Variants in KIAA1549 observed in about 807,000 individuals in gnomAD.
The protein encoded by KIAA1549 is UPF0606 protein KIAA1549.
KIAA1549 carries 70 observed loss-of-function variants against 156.4 expected under a neutral mutation model. That is an observed-to-expected ratio of 0.45 (90% CI 0.37 to 0.55). The LOEUF is 0.55. Among genes scored for constraint, KIAA1549 ranks in the 20% least tolerant of loss-of-function variants. KIAA1549 has a pLI of 0.00. For synonymous variants in KIAA1549, 1,103 were observed against 1,066.4 expected (o/e 1.03, Z -0.67); for missense variants, 2,428 against 2,540.9 (o/e 0.96, Z 0.96).
Position 138,871,080 on chromosome 7 carries a change from G to A in KIAA1549, c.4551+77C>T, listed in dbSNP as rs527443681. On this transcript the variant is annotated intron_variant, in intron 13 of 19. Coordinates refer to ENST00000422774, the MANE Select transcript of KIAA1549 (RefSeq NM_001164665.2). ...GATCTGCCTGCCTTGGCCCCCCCAA[G>A]TGCTGGGATTACAGGCATAAGCCAC... The A allele has an allele frequency of 6.4e-6, 9 of 1,399,548 alleles. 1 individual carries two copies. The highest frequency in any genetic ancestry group is 5.8e-5 in the Admixed American group (3 of 51,334). The allele number at this position is 1,399,548 out of a possible 1,614,324, so 86.7% of individuals were successfully genotyped here.
chr7:138,863,367 T>C (rs1440467429), intron 15 of KIAA1549, among the ~76,000 whole-genome samples: 1 of 151,946 alleles, frequency 6.6e-6, no homozygotes, highest in African/African-American at 2.4e-5. Flanking sequence ...GTGAGTCTAT[T>C]ACAAAGACAA....
At chr7:138,980,315 A>G (rs1814507803) in intron 1 of KIAA1549, among the ~76,000 whole-genome samples, 1 of 152,250 alleles carries the variant, frequency 6.6e-6, no homozygotes. Context: ...TGGAGAAGCA[A>G]TAGGAATTAA....
At chr7:138,880,379 C>A (rs1258495097) in intron 11 of KIAA1549, among the ~76,000 whole-genome samples, 1 of 152,196 alleles carries the variant, frequency 6.6e-6, no homozygotes, top group East Asian at 1.9e-4. Context: ...TTCAATGATT[C>A]CATTTATTCT....
chr7:138,853,048 C>A (rs950858275), intron 16 of KIAA1549, among the ~76,000 whole-genome samples: 20 of 152,158 alleles, frequency 1.3e-4, no homozygotes, highest in African/African-American at 4.6e-4. Flanking sequence ...ATATCCTAAC[C>A]CTAATATACA....
Position 138,933,302 on chromosome 7 carries a change from C to G in KIAA1549, c.188-13864G>C, listed in dbSNP as rs1584766894. ...GCAAGTTTCTAAAAAGGCAAAGCAG[C>G]TAATGCAAAATGTTTCCTCTACTCA... is the stretch of plus-strand genomic sequence containing the variant. On this transcript the variant is annotated intron_variant, in intron 1 of 19. Coordinates refer to ENST00000422774, the MANE Select transcript of KIAA1549 (RefSeq NM_001164665.2). Among the ~76,000 whole-genome samples the G allele has an allele frequency of 2.0e-5, 3 of 152,318 alleles. No individual in the cohort carries two copies. In the East Asian group the frequency reaches 5.8e-4, roughly 29 times the overall value.
chr7:138,907,132 A>G, intron 5 of KIAA1549, 30 bp from the exon 6 acceptor site: 1 of 1,477,704 alleles, frequency 6.8e-7, no homozygotes, highest in Non-Finnish European at 9.0e-7. Context: ...ATAAGCTTCT[A>G]TAATAAAACA....
chr7:138,939,974 C>T (rs1406858646), intron 1 of KIAA1549, among the ~76,000 whole-genome samples: 2 of 151,968 alleles, frequency 1.3e-5, no homozygotes, highest in Non-Finnish European at 1.5e-5. Flanking sequence ...TAGCAAGACC[C>T]CATTTCTACA....
intron 16 of KIAA1549, among the ~76,000 whole-genome samples, chr7:138,860,717 C>T (rs1810545696): frequency 6.6e-6 from 1 of 152,226 alleles, no homozygotes. Context: ...TCAGGGGTCT[C>T]TCCAGTACCA....
intron 10 of KIAA1549, among the ~76,000 whole-genome samples, chr7:138,889,744 AC>A (rs1811496961): frequency 6.6e-6 from 1 of 152,226 alleles, no homozygotes; most frequent in African/African-American, 2.4e-5. Context: ...GTGAGTCATC[AC>A]CTTCTATACC....
At chr7:138,892,595 A>C (rs1303804892) in intron 10 of KIAA1549, among the ~76,000 whole-genome samples, 1 of 152,242 alleles carries the variant, frequency 6.6e-6, no homozygotes, top group African/African-American at 2.4e-5. Flanking sequence ...AAACAAAGAT[A>C]GGCAACAAAC....
chr7:138,894,221 A>G, intron 10 of KIAA1549, 121 bp downstream of exon 10: 1 of 973,292 alleles, frequency 1.0e-6, no homozygotes, highest in Non-Finnish European at 1.6e-6. Flanking sequence ...TATTAAAGCC[A>G]GAAGATTTCC....
chr7:138,923,291 G>A (rs1271775869), intron 1 of KIAA1549, among the ~76,000 whole-genome samples: 1 of 152,230 alleles, frequency 6.6e-6, no homozygotes, highest in East Asian at 1.9e-4. Flanking sequence ...AGGAAGATCT[G>A]AGAATAGAGA....
rs749802183 is a variant in KIAA1549 at position 138,918,083 on chromosome 7, T to C, written c.1543A>G (p.Ser515Gly). The change falls in exon 2 of 20, where the codon AGT becomes GGT. Residue 515 changes from serine to glycine, a missense_variant. This residue lies in a region of KIAA1549 where 893 missense variants were observed against 847.9 expected (regional missense o/e 1.05). Transcript: ENST00000422774. This position sits in a 1 kb window ranked among gnomAD's most constrained non-coding sequence, Gnocchi z 4.2. ...GGGGGAACCTGTGTGGTTGTAACAC[T>C]ACTCATATCCACCTCGGCAGAAATG... Reference protein sequence around the residue: ...VGISAEVDMSSVTTTQVPPAH... With the variant: ...VGISAEVDMSGVTTTQVPPAH... 16 of 1,613,718 alleles carry C rather than the reference T, an allele frequency of 9.9e-6. No individual in the cohort carries two copies. The African/African-American group carries it at 2.0e-4, about 20-fold the overall frequency.
intron 8 of KIAA1549, among the ~76,000 whole-genome samples, chr7:138,901,336 T>A (rs888053374): frequency 6.6e-6 from 1 of 151,214 alleles, no homozygotes; most frequent in Admixed American, 6.6e-5. Flanking sequence ...ATTTTTTTTT[T>A]TTTTTTTGAG....
At chr7:138,954,888 AG>A (rs1356587987) in intron 1 of KIAA1549, among the ~76,000 whole-genome samples, 5 of 152,174 alleles carry the variant, frequency 3.3e-5, no homozygotes, top group Non-Finnish European at 7.4e-5. Context: ...GGCATCTGGA[AG>A]GGGGACCCAG....
chr7:138,929,156 G>A (rs1426401844), intron 1 of KIAA1549, among the ~76,000 whole-genome samples: 1 of 152,190 alleles, frequency 6.6e-6, no homozygotes, highest in African/African-American at 2.4e-5. Context: ...CTGTGATGCT[G>A]TTTGATAGCA....
intron 1 of KIAA1549, among the ~76,000 whole-genome samples, chr7:138,969,907 G>A (rs1814167428): frequency 1.3e-5 from 2 of 152,152 alleles, no homozygotes; most frequent in Non-Finnish European, 2.9e-5. Flanking sequence ...GGTACGTAAT[G>A]CATAATAATC....
intron 1 of KIAA1549, among the ~76,000 whole-genome samples, chr7:138,955,271 G>A (rs764354916): frequency 8.5e-5 from 13 of 152,126 alleles, no homozygotes; most frequent in Non-Finnish European, 1.3e-4. Flanking sequence ...ATAAACAAAC[G>A]GTGGCACATA....
intron 19 of KIAA1549, 132 bp from the exon 20 acceptor site, chr7:138,838,292 G>T: frequency 2.2e-6 from 2 of 894,172 alleles, no homozygotes; most frequent in Non-Finnish European, 3.3e-6. Flanking sequence ...ACAGGGCCCT[G>T]CTGCCTATGC....
Sources: gnomAD v4.1 joint callset for allele counts (sites outside exome capture counted in the v4.1 genomes callset) on GRCh38, gnomAD v4.1.1 for gene constraint, gnomAD v4.1.1 regional missense constraint, Gnocchi (gnomAD v3.1) non-coding constraint, MANE v1.5 for transcripts, NCBI Gene and HGNC (gene_info 2026-07-23, HGNC 2026-07-21) for gene names.